The following CENPF variants were observed in gnomAD, a reference collection of about 807,000 sequenced individuals.
The protein encoded by CENPF is AH antigen.
In CENPF, 214 loss-of-function variants were observed where a neutral mutation model predicts 307.3. The observed-to-expected ratio is 0.70, with a 90% CI of 0.62 to 0.78. The LOEUF is 0.78. CENPF is among the 30% of genes least tolerant of loss of function. CENPF has a pLI of 0.00. For synonymous variants in CENPF, 1,259 were observed against 1,270.6 expected, an observed-to-expected ratio of 0.99 and a Z score of 0.19; for missense variants, 3,401 against 3,483.9, an observed-to-expected ratio of 0.98 and a Z score of 0.60.
chr1:214,617,652 G>C (rs891110726), intron 3 of CENPF, among the ~76,000 whole-genome samples: 1 of 152,002 alleles, frequency 6.6e-6, no homozygotes, highest in East Asian at 1.9e-4. Context: ...GCATTATATT[G>C]ATTTAATTTT....
intron 14 of CENPF, among the ~76,000 whole-genome samples, chr1:214,649,056 C>T (rs568574986): frequency 1.3e-5 from 2 of 152,196 alleles, no homozygotes; most frequent in African/African-American, 2.4e-5. Flanking sequence ...AAGTATCTGT[C>T]TCAGAGCCCA....
chr1:214,607,958 A>G (rs1181550725), intron 1 of CENPF, among the ~76,000 whole-genome samples: 1 of 152,088 alleles, frequency 6.6e-6, no homozygotes, highest in Non-Finnish European at 1.5e-5. Flanking sequence ...GCCTCGGCCG[A>G]TGGGGCCCCA....
Position 214,614,935 on chromosome 1 carries a change from A to G in CENPF, c.266A>G (p.Glu89Gly). The stretch of plus-strand genomic sequence containing the variant: ...AAAACTAAGCAGAAGATTTCTCATG[A>G]ACTTCAAGTCAAGGAGTCACAAGTG... ...LEKTKQKISH[E>G]LQVKESQVNF... The change falls in exon 3 of 20, where the codon GAA (glutamate) becomes GGA (glycine). Residue 89 changes from glutamate to glycine, a missense_variant. By Grantham distance (98) the Glu-to-Gly change is moderately conservative (BLOSUM62 -2). Transcript: ENST00000366955. 1 of 1,612,610 alleles carries G rather than the reference A, an allele frequency of 6.2e-7. No homozygotes were observed. Among genetic ancestry groups the G allele is most frequent in the South Asian group, 1.1e-5 (1 of 90,636 alleles).
intron 12 of CENPF, among the ~76,000 whole-genome samples, chr1:214,644,306 T>C (rs1365098235): frequency 5.3e-5 from 8 of 152,236 alleles, no homozygotes; most frequent in Non-Finnish European, 1.2e-4. Context: ...CAAATTGTAA[T>C]TGAGCCGAAG....
chr1:214,603,801 C>G (rs1409696080), intron 1 of CENPF, among the ~76,000 whole-genome samples: 1 of 150,894 alleles, frequency 6.6e-6, no homozygotes, highest in Non-Finnish European at 1.5e-5. Context: ...TCTCTTTCCC[C>G]TCTCTTCTTC....
At chr1:214,624,121 A>G (rs529595989) in intron 7 of CENPF, among the ~76,000 whole-genome samples, 1 of 152,306 alleles carries the variant, frequency 6.6e-6, no homozygotes, top group Non-Finnish European at 1.5e-5. Flanking sequence ...CATATTTGGA[A>G]TAAACCCTAA....
Position 214,642,997 on chromosome 1 carries a change from G to A in CENPF, c.4659G>A (p.Glu1553=). The change falls in exon 12 of 20, where the codon GAG becomes GAA. Residue 1553 remains glutamate, a synonymous_variant. Transcript: ENST00000366955. ...CAGCGAAGGGTGTTGAAGAGCTTGA[G>A]TCCCTCTGTGAGGTGTACCGGCAGT... The part of the protein sequence containing the change: ...SAPAKGVEEL[E]SLCEVYRQSL... 1.2e-6 allele frequency: 2 copies of A among 1,610,384 alleles called. No homozygotes were observed. Among genetic ancestry groups the A allele is most frequent in the South Asian group, 2.2e-5 (2 of 90,760 alleles).
At chr1:214,610,705 A>G (rs1268146109) in intron 1 of CENPF, among the ~76,000 whole-genome samples, 1 of 151,640 alleles carries the variant, frequency 6.6e-6, no homozygotes, top group African/African-American at 2.4e-5. Context: ...TCATTTGTCA[A>G]TTTTTGCTTT....
chr1:214,645,104 A>G lies in CENPF; in HGVS notation c.5534A>G (p.Lys1845Arg), dbSNP rs1265774844. Residue 1845 changes from lysine (K) to arginine (R), a missense_variant, in exon 13 of 20, where the codon AAA (lysine) becomes AGA (arginine). Transcript: ENST00000366955. ...AAAGAAAACTCAGATTTAAGTGAAA[A>G]ATTGGAATATTTTTCTTGTGATCAC... ...LKKENSDLSE[K>R]LEYFSCDHQE... 1.2e-6 allele frequency: 2 copies of G among 1,612,790 alleles called. No individual in the cohort carries two copies. Among genetic ancestry groups the G allele is most frequent in the African/African-American group, 2.7e-5 (2 of 74,794 alleles).
chr1:214,630,726 C>T (rs1657784982), intron 9 of CENPF, 64 bp downstream of exon 9: 1 of 1,565,782 alleles, frequency 6.4e-7, no homozygotes, highest in Admixed American at 1.9e-5. Context: ...CTTGTTACTT[C>T]TCTACCATAA....
rs1259075879 is a variant in CENPF at position 214,642,203 on chromosome 1, C to T, written c.3865C>T (p.Leu1289Phe). The T allele has an allele frequency of 2.5e-6, 4 of 1,613,958 alleles. No homozygotes were observed. Among genetic ancestry groups the T allele is most frequent in the South Asian group, 2.2e-5 (2 of 91,080 alleles). Residue 1289 changes from leucine to phenylalanine, a missense_variant, in exon 12 of 20, where the codon CTT becomes TTT. By Grantham distance (22) the Leu-to-Phe change is conservative. Transcript: ENST00000366955. The part of the protein sequence containing the change: ...LSTSQNDNAH[L>F]QCSLQTTMNK... ...AACAAGTCAAAACGACAATGCACAC[C>T]TTCAGTGCTCTCTGCAAACAACAAT...
chr1:214,613,960 G>T, intron 2 of CENPF, 44 bp downstream of exon 2: 1 of 1,528,340 alleles, frequency 6.5e-7, no homozygotes, highest in South Asian at 1.2e-5. Flanking sequence ...ACTCATTATT[G>T]ACAGAGAAGT....
chr1:214,629,600 G>A (rs904021569), intron 8 of CENPF, among the ~76,000 whole-genome samples: 1 of 151,416 alleles, frequency 6.6e-6, no homozygotes, highest in Non-Finnish European at 1.5e-5. Flanking sequence ...TACCCAGGCT[G>A]GAGTGCAATG....
At position 214,642,439 on chromosome 1, in the gene CENPF, T is replaced by TGAA. The variant is rs1558183864; in HGVS notation, c.4102_4104dup (p.Glu1368dup). The TGAA allele has an allele frequency of 6.3e-7, 1 of 1,594,966 alleles. No homozygotes were observed. Among genetic ancestry groups the TGAA allele is most frequent in the African/African-American group, 1.3e-5 (1 of 74,376 alleles). ...AGTTAGTGGAAGACATACCAGGAGG[T>TGAA]GAATTTGGTGAACAACCAAATGAAC... On this transcript the variant is annotated inframe_insertion, in exon 12 of 20. Coordinates refer to ENST00000366955, the MANE Select transcript of CENPF (RefSeq NM_016343.4).
Position 214,657,184 on chromosome 1 carries a change from A to C in CENPF, c.8737A>C (p.Ile2913Leu). 1 of 1,614,194 alleles carries C rather than the reference A, an allele frequency of 6.2e-7. No individual in the cohort carries two copies. Among genetic ancestry groups the C allele is most frequent in the Non-Finnish European group, 8.5e-7 (1 of 1,180,028 alleles). The change falls in exon 18 of 20, where the codon ATC (isoleucine) becomes CTC (leucine). Residue 2913 changes from isoleucine to leucine, a missense_variant. Transcript: ENST00000366955. The stretch of plus-strand genomic sequence containing the variant: ...TCCAGTTGTTCCAGGACCATCTCCA[A>C]TCCCTTCTGTTACTGAAAAGAGGTT... ...LGPVVPGPSP[I>L]PSVTEKRLSS...
Position 214,651,806 on chromosome 1 carries a change from G to A in CENPF, c.8080G>A (p.Glu2694Lys). ...GGTGGAAAAGGAAGGGAAAGTGAGA[G>A]AGGAAATAGCTGAATATCAGCTACG... is the stretch of plus-strand genomic sequence containing the variant. ...DQVEKEGKVR[E>K]EIAEYQLRLH... Residue 2694 changes from glutamate to lysine, a missense_variant, in exon 15 of 20, where the codon GAG becomes AAG. Transcript: ENST00000366955. 1 of 1,605,512 alleles carries A rather than the reference G, an allele frequency of 6.2e-7. No homozygotes were observed. Among genetic ancestry groups the A allele is most frequent in the Non-Finnish European group, 8.5e-7 (1 of 1,172,648 alleles).
chr1:214,624,492 G>A (rs1187796435), intron 7 of CENPF, among the ~76,000 whole-genome samples: 1 of 152,064 alleles, frequency 6.6e-6, no homozygotes, highest in Non-Finnish European at 1.5e-5. Flanking sequence ...CATATTGGGG[G>A]AATTAGGATA....
Position 214,657,369 on chromosome 1 carries a change from T to C in CENPF, c.8922T>C (p.Thr2974=). The C allele has an allele frequency of 6.2e-7, 1 of 1,611,826 alleles. No homozygotes were observed. The highest frequency in any genetic ancestry group is 8.5e-7 in the Non-Finnish European group (1 of 1,179,954). Reference sequence around the variant, plus strand: ...ACCCTGCAGAAGACACGGAAGGTACTGAGTTTGAGCCAGAGGGACTTCCAG... The same window carrying C: ...ACCCTGCAGAAGACACGGAAGGTACCGAGTTTGAGCCAGAGGGACTTCCAG... ...GIHPAEDTEG[T]EFEPEGLPEV... Residue 2974 remains threonine (T), a synonymous_variant, in exon 18 of 20, where the codon ACT becomes ACC. Transcript: ENST00000366955.
Position 214,614,884 on chromosome 1 carries a change from T to A in CENPF, c.215T>A (p.Leu72Ter), listed in dbSNP as rs1657293171. 6.2e-7 allele frequency: 1 copy of A among 1,607,960 alleles called. No homozygotes were observed. The highest frequency in any genetic ancestry group is 8.5e-7 in the Non-Finnish European group (1 of 1,177,856). ...GTNLKRENQR[L>*]MEICESLEKT... ...AACCTGAAAAGGGAGAATCAAAGATTGATGGAAATATGTGAAAGTCTGGAG... is the reference window on the plus strand; with the variant it reads ...AACCTGAAAAGGGAGAATCAAAGATAGATGGAAATATGTGAAAGTCTGGAG... The change falls in exon 3 of 20, where the codon TTG (leucine) becomes TAG (stop). Residue 72 changes from leucine (L) to a stop codon, truncating the protein, a stop_gained. Transcript: ENST00000366955. LOFTEE classifies it high-confidence loss of function.
Sources: allele counts gnomAD v4.1 joint callset (sites outside exome capture counted in the v4.1 genomes callset), GRCh38; gene constraint gnomAD v4.1.1; transcripts MANE v1.5; gene names NCBI Gene and HGNC (gene_info 2026-07-23, HGNC 2026-07-21).